AGXT2: variants seen among roughly 807,000 people sequenced by gnomAD.
AGXT2 encodes the protein alanine--glyoxylate aminotransferase 2, mitochondrial.
In AGXT2, 61 loss-of-function variants were observed where a neutral mutation model predicts 62.5. The ratio of observed to expected loss-of-function variants is 0.98; its 90% confidence interval spans 0.79 to 1.21. The LOEUF is 1.21. AGXT2 is among the 50% of genes most tolerant of loss of function. The pLI is 0.00. For synonymous variants in AGXT2, 243 were observed against 218.7 expected, an observed-to-expected ratio of 1.11 and a Z score of -0.98; for missense variants, 666 against 641.5, an observed-to-expected ratio of 1.04 and a Z score of -0.41.
rs188877566 is a variant in AGXT2, at chr5:35,019,716, A to T, written c.964-5597T>A. 3.7e-4 allele frequency among the ~76,000 whole-genome samples: 57 copies of T among 152,322 alleles called. No individual in the cohort carries two copies. The East Asian group carries it at 0.011, about 29-fold the overall frequency. On this transcript the variant is annotated intron_variant, in intron 9 of 13. Transcript: ENST00000231420. ...AAAAGCTAGAAGAAGGCAAGAAATA[A>T]CTAAAATCAACAGAACTGAAGGAAA... is the stretch of plus-strand genomic sequence containing the variant.
At position 35,003,796 on chromosome 5, in the gene AGXT2, T is replaced by A. The variant is rs1365005569; in HGVS notation, c.1404A>T (p.Gly468=). 6.2e-7 allele frequency: 1 copy of A among 1,613,930 alleles called. No homozygotes were observed. Among genetic ancestry groups the A allele is most frequent in the East Asian group, 2.2e-5 (1 of 44,886 alleles). Residue 468 remains glycine, a synonymous_variant, in exon 13 of 14, where the codon GGA becomes GGT. Transcript: ENST00000231420. Reference sequence around the variant, plus strand: ...AAATGCTGCCTCTGCCAACGAGGAGTCCCATGTGCTTGCAGTCCTCATGGA... The same window carrying A: ...AAATGCTGCCTCTGCCAACGAGGAGACCCATGTGCTTGCAGTCCTCATGGA... ...NQIHEDCKHM[G]LLVGRGSIFS... is the part of the protein sequence containing the mutation.
In AGXT2 at chr5:35,010,087, C is replaced by T; in HGVS notation, c.1251G>A (p.Lys417=). Residue 417 remains lysine, a synonymous_variant, in exon 12 of 14, where the codon AAG becomes AAA. Coordinates refer to ENST00000231420, the MANE Select transcript of AGXT2 (RefSeq NM_031900.4). ...CAAATTCATCCCGCAGCTTAGCAAACTTTAGTAACATGTAGGTCCCAACTT... is the reference window on the plus strand; with the variant it reads ...CAAATTCATCCCGCAGCTTAGCAAATTTTAGTAACATGTAGGTCCCAACTT... The part of the protein sequence containing the change: ...SQEVGTYMLL[K]FAKLRDEFEI... 2 of 1,614,216 alleles carry T rather than the reference C, an allele frequency of 1.2e-6. No homozygotes were observed. Among genetic ancestry groups the T allele is most frequent in the Non-Finnish European group, 1.7e-6 (2 of 1,180,030 alleles).
Position 35,032,791 on chromosome 5 carries a change from C to A in AGXT2, c.710G>T (p.Gly237Val). 1.9e-6 allele frequency: 3 copies of A among 1,608,438 alleles called. No homozygotes were observed. The highest frequency in any genetic ancestry group is 2.5e-6 in the Non-Finnish European group (3 of 1,177,354). Residue 237 changes from glycine to valine, a missense_variant, in exon 7 of 14, where the codon GGA (glycine) becomes GTA (valine). Transcript: ENST00000231420. ...TGGAGAATCTCGACAGTGGCTTCCTCCCCAAGGGCCACGAAAAACATCTGG... is the reference window on the plus strand; with the variant it reads ...TGGAGAATCTCGACAGTGGCTTCCTACCCAAGGGCCACGAAAAACATCTGG... ...MCPDVFRGPW[G>V]GSHCRDSPVQ...
At chr5:35,035,561 T>A (rs189362) in intron 4 of AGXT2, among the ~76,000 whole-genome samples, 74 of 152,126 alleles carry the variant, frequency 4.9e-4, no homozygotes, top group Non-Finnish European at 8.2e-4. Context: ...GCAACATTCC[T>A]GGCTTTTAAT....
chr5:35,042,151 A>G (rs1768013179), intron 1 of AGXT2, among the ~76,000 whole-genome samples: 2 of 152,280 alleles, frequency 1.3e-5, no homozygotes, highest in South Asian at 2.1e-4. Flanking sequence ...CTTGACTCCA[A>G]GGTTATAGGA....
chr5:35,005,771 A>G (rs1020950321), intron 12 of AGXT2, among the ~76,000 whole-genome samples: 6 of 152,032 alleles, frequency 3.9e-5, no homozygotes, highest in Admixed American at 3.9e-4. Flanking sequence ...CTTGATAATG[A>G]AGTGGGCATG....
intron 7 of AGXT2, among the ~76,000 whole-genome samples, chr5:35,028,592 AGAGAGAGAGAGAG>A (rs1767450101): frequency 4.0e-5 from 6 of 150,172 alleles, no homozygotes; most frequent in African/African-American, 1.5e-4. Flanking sequence ...AGAGAGAGAG[AGAGAGAGAGAGAG>A]AGAGAGAGAG....
At position 35,045,175 on chromosome 5, in the gene AGXT2, G is replaced by A. The variant is rs77329970; in HGVS notation, c.88+2630C>T. On this transcript the variant is annotated intron_variant, in intron 1 of 13. Coordinates refer to ENST00000231420, the MANE Select transcript of AGXT2 (RefSeq NM_031900.4). ...TTTGTATACACAGTTAGCCCAAAGT[G>A]ATTGTGCATATCAAAGTGTAAACAA... is the stretch of plus-strand genomic sequence containing the variant. 6.6e-3 allele frequency among the ~76,000 whole-genome samples: 1,005 copies of A among 152,322 alleles called. 13 individuals are homozygous for A. The highest frequency in any genetic ancestry group is 0.023 in the African/African-American group (954 of 41,562).
intron 9 of AGXT2, among the ~76,000 whole-genome samples, chr5:35,024,844 C>A (rs1767262347): frequency 6.6e-6 from 1 of 152,102 alleles, no homozygotes. Flanking sequence ...GTGGCGGATG[C>A]CTGTAATCCC....
chr5:35,039,677 C>G (rs1035849716), intron 2 of AGXT2, among the ~76,000 whole-genome samples, 169 bp from the exon 3 acceptor site: 2 of 152,156 alleles, frequency 1.3e-5, no homozygotes, highest in African/African-American at 2.4e-5. Context: ...GAAATTAAAG[C>G]CTTTTCTCTT....
Position 35,014,232 on chromosome 5 carries a change from T to C in AGXT2, c.964-113A>G, listed in dbSNP as rs1031943652. ...ACTTTAGGAGGCTGAAGCAGGTGGA[T>C]CATGAGGTCAGGAGTTCAAGACCAG... On this transcript the variant is annotated intron_variant, in intron 9 of 13. Transcript: ENST00000231420. The C allele has an allele frequency of 4.9e-6, 7 of 1,425,786 alleles. No homozygotes were observed. The African/African-American group carries it at 8.5e-5, about 17-fold the overall frequency. The allele number at this position is 1,425,786 out of a possible 1,614,324, so 88.3% of individuals were successfully genotyped here. A position where few individuals can be genotyped will look rare whatever the true frequency, so the allele number is the denominator to read the frequency against.
intron 11 of AGXT2, among the ~76,000 whole-genome samples, chr5:35,011,330 C>A (rs1766629110): frequency 6.6e-6 from 1 of 151,978 alleles, no homozygotes; most frequent in Non-Finnish European, 1.5e-5. Flanking sequence ...CATGGTGGTG[C>A]ATGCCTATAA....
Position 35,026,512 on chromosome 5 carries a change from T to C in AGXT2, c.770-2A>G. ...ACTGATCTTTAGCTTGGCAGCAGTC[T>C]GCAAAAAGCAAACAACAAAACAAAA... On this transcript the variant is annotated splice_acceptor_variant, in intron 7 of 13. Transcript: ENST00000231420. LOFTEE classifies it high-confidence loss of function. The C allele has an allele frequency of 6.2e-7, 1 of 1,612,898 alleles. No homozygotes were observed. Among genetic ancestry groups the C allele is most frequent in the Non-Finnish European group, 8.5e-7 (1 of 1,179,334 alleles).
intron 7 of AGXT2, among the ~76,000 whole-genome samples, chr5:35,030,145 G>T (rs1460796422): frequency 6.6e-6 from 1 of 152,210 alleles, no homozygotes; most frequent in Non-Finnish European, 1.5e-5. Flanking sequence ...GGAGACTGGG[G>T]TCTTTCTTTT....
chr5:35,039,602 A>G lies in AGXT2; in HGVS notation c.178-94T>C, dbSNP rs144118082. The G allele has an allele frequency of 1.1e-4, 143 of 1,357,820 alleles. 1 individual carries two copies. The East Asian group carries it at 3.3e-3, about 31-fold the overall frequency. 84.1% of individuals were successfully genotyped at this position (1,357,820 alleles called of 1,614,324 possible). A position where few individuals can be genotyped will look rare whatever the true frequency, so the allele number is the denominator to read the frequency against. On this transcript the variant is annotated intron_variant, in intron 2 of 13. Coordinates refer to ENST00000231420, the MANE Select transcript of AGXT2 (RefSeq NM_031900.4). ...AGAGCCCAGGCTCTCTAGTGGACAG[A>G]GAAGAGGGCTGCTGGCCTGTAGAGG...
intron 6 of AGXT2, chr5:35,033,192 C>T: frequency 2.0e-6 from 1 of 495,594 alleles, no homozygotes; most frequent in South Asian, 2.1e-5. Context: ...AAGTTTTGTG[C>T]ATTCAAGATT....
At chr5:35,039,265 A>G in intron 3 of AGXT2, 59 bp downstream of exon 3, 4 of 1,565,664 alleles carry the variant, frequency 2.6e-6, no homozygotes, top group South Asian at 1.1e-5. Context: ...AGTCACTAAC[A>G]TAATTGTTTT....
chr5:35,043,979 A>G (rs895914619), intron 1 of AGXT2, among the ~76,000 whole-genome samples: 6 of 152,194 alleles, frequency 3.9e-5, no homozygotes, highest in African/African-American at 1.2e-4. Context: ...GGCGTGAACC[A>G]CTAAGCCTGG....
chr5:35,000,942 T>C (rs755144653), intron 13 of AGXT2, among the ~76,000 whole-genome samples: 8 of 152,214 alleles, frequency 5.3e-5, no homozygotes, highest in Non-Finnish European at 1.0e-4. Flanking sequence ...ACAACCTTTC[T>C]GTTTTTCAGT....
Sources: gnomAD v4.1 joint callset for allele counts (sites outside exome capture counted in the v4.1 genomes callset) on GRCh38, gnomAD v4.1.1 for gene constraint, MANE v1.5 for transcripts, NCBI Gene and HGNC (gene_info 2026-07-23, HGNC 2026-07-21) for gene names.